The following INSYN2B variants were observed in gnomAD, a reference collection of about 807,000 sequenced individuals.
The protein encoded by INSYN2B is inhibitory synaptic factor family member 2B.
In INSYN2B, 16 loss-of-function variants were observed where a neutral mutation model predicts 41.2. The ratio of observed to expected loss-of-function variants is 0.39; its 90% confidence interval spans 0.26 to 0.59. The LOEUF (loss-of-function observed/expected upper bound fraction) is 0.59, where lower values mean the gene tolerates loss of function less well. Among genes scored for constraint, INSYN2B ranks in the 20% least tolerant of loss-of-function variants. The probability of loss-of-function intolerance (pLI) is 0.57; values close to 1 mark genes in which losing one functional copy is unlikely to be tolerated. For synonymous variants in INSYN2B, 245 were observed against 244.4 expected, an observed-to-expected ratio of 1.00 and a Z score of -0.02; for missense variants, 608 against 646.4, an observed-to-expected ratio of 0.94 and a Z score of 0.64.
chr5:169,916,323 T>C (rs1034244610), intron 1 of INSYN2B, among the ~76,000 whole-genome samples: 1 of 152,258 alleles, frequency 6.6e-6, no homozygotes, highest in African/African-American at 2.4e-5. Context: ...TGCATGGATC[T>C]AAGGAACCAG....
chr5:169,934,924 G>A, intron 1 of INSYN2B: 1 of 332,896 alleles, frequency 3.0e-6, no homozygotes, highest in Non-Finnish European at 5.9e-6. Context: ...AATGACCTGA[G>A]AAAGTAGTAT....
intron 1 of INSYN2B, among the ~76,000 whole-genome samples, chr5:169,957,330 T>C (rs1229141816): frequency 1.9e-4 from 29 of 152,248 alleles, no homozygotes; most frequent in Admixed American, 1.9e-3. Flanking sequence ...GTTCCTACTT[T>C]GTAGGATTGT....
intron 1 of INSYN2B, among the ~76,000 whole-genome samples, chr5:169,915,725 C>T (rs1219124129): frequency 6.6e-6 from 1 of 152,124 alleles, no homozygotes; most frequent in Non-Finnish European, 1.5e-5. Flanking sequence ...ATAGTCAATT[C>T]AGCCATTTTA....
chr5:169,971,198 A>T (rs1777493066), intron 1 of INSYN2B, among the ~76,000 whole-genome samples: 1 of 152,010 alleles, frequency 6.6e-6, no homozygotes. Flanking sequence ...CAAAAAAAAA[A>T]ATGAGTATGA....
chr5:169,865,251 G>C (rs750284960), intron 3 of INSYN2B, among the ~76,000 whole-genome samples: 5 of 152,164 alleles, frequency 3.3e-5, no homozygotes, highest in African/African-American at 9.7e-5. Flanking sequence ...GCATTGTCCC[G>C]TGCTGATTAT....
chr5:169,943,319 G>A (rs1482686980), intron 1 of INSYN2B, among the ~76,000 whole-genome samples: 7 of 152,142 alleles, frequency 4.6e-5, no homozygotes, highest in Non-Finnish European at 1.0e-4. Context: ...GCTGTCTAAA[G>A]GTTGATCCCA....
Position 169,883,192 on chromosome 5 carries a change from A to G in INSYN2B, c.707T>C (p.Leu236Ser), listed in dbSNP as rs1772766994. 6.4e-7 allele frequency: 1 copy of G among 1,551,454 alleles called. No homozygotes were observed. Among genetic ancestry groups the G allele is most frequent in the Non-Finnish European group, 8.7e-7 (1 of 1,146,936 alleles). The change falls in exon 2 of 4, where the codon TTG (leucine) becomes TCG (serine). Residue 236 changes from leucine to serine, a missense_variant. By Grantham distance (145) the Leu-to-Ser change is moderately radical. Coordinates refer to ENST00000377365, the MANE Select transcript of INSYN2B (RefSeq NM_001129891.3). ...SAEVSNSIHP[L>S]DDTRPGDGRR... Reference sequence around the variant, plus strand: ...CCCATCACCTGGACGTGTGTCATCCAAAGGGTGTATGGAGTTACTTACTTC... The same window carrying G: ...CCCATCACCTGGACGTGTGTCATCCGAAGGGTGTATGGAGTTACTTACTTC...
intron 1 of INSYN2B, among the ~76,000 whole-genome samples, chr5:169,961,978 C>CAAAACAAAAAAAAAAAAAAAA (rs1777104977): frequency 1.3e-5 from 1 of 74,652 alleles, no homozygotes. Flanking sequence ...GACTCTGTCC[C>CAAAACAAAAAAAAAAAAAAAA]AAAAAAAAAA....
At chr5:169,966,237 T>C (rs1325434643) in intron 1 of INSYN2B, among the ~76,000 whole-genome samples, 4 of 152,312 alleles carry the variant, frequency 2.6e-5, no homozygotes, top group South Asian at 2.1e-4. Context: ...CATTGGTTGG[T>C]TGCTTCATAA....
At position 169,883,110 on chromosome 5, in the gene INSYN2B, G is replaced by T. The variant is rs370562223; in HGVS notation, c.789C>A (p.Ser263Arg). Reference protein sequence around the residue: ...EKSTSCLNATSVASHTPGTEE... With the variant: ...EKSTSCLNATRVASHTPGTEE... ...CTGTGCCTGGTGTGTGGCTGGCAAC[G>T]CTGGTGGCATTTAAGCAGGAGGTGG... Residue 263 changes from serine (S) to arginine (R), a missense_variant, in exon 2 of 4, where the codon AGC becomes AGA. Transcript: ENST00000377365. 106 of 1,551,666 alleles carry T rather than the reference G, an allele frequency of 6.8e-5. 2 individuals carry two copies. In the South Asian group the frequency reaches 8.3e-4, roughly 12 times the overall value.
chr5:169,867,834 C>A, intron 3 of INSYN2B, among the ~76,000 whole-genome samples: 1 of 152,124 alleles, frequency 6.6e-6, no homozygotes, highest in East Asian at 1.9e-4. Flanking sequence ...CTTCATTCTC[C>A]CCAGTGGAAA....
chr5:169,961,978 CA>C (rs70979150), intron 1 of INSYN2B, among the ~76,000 whole-genome samples: 2,500 of 74,626 alleles, frequency 0.034, 172 homozygotes, highest in Middle Eastern at 0.087. Context: ...GACTCTGTCC[CA>C]AAAAAAAAAA....
rs1439669528 is a variant in INSYN2B, at chr5:169,882,931, G to T, written c.968C>A (p.Pro323Gln). The change falls in exon 2 of 4, where the codon CCA becomes CAA. Residue 323 changes from proline (P) to glutamine (Q), a missense_variant. Physicochemically the swap from Pro to Gln is moderately conservative, Grantham distance 76. Transcript: ENST00000377365. ...TGAAGGACAGTCTGAGGCTCTTCCT[G>T]GGTGGGCTGGCTGGCTGTGGGAGCC... ...SQGSHSQPAH[P>Q]GRASDCPSSS... 1 of 1,551,990 alleles carries T rather than the reference G, an allele frequency of 6.4e-7. No homozygotes were observed. Among genetic ancestry groups the T allele is most frequent in the Admixed American group, 2.0e-5 (1 of 50,992 alleles).
chr5:169,973,760 T>C (rs957579439), intron 1 of INSYN2B, among the ~76,000 whole-genome samples: 6 of 152,198 alleles, frequency 3.9e-5, no homozygotes, highest in South Asian at 4.1e-4. Flanking sequence ...CCATAGAGAA[T>C]AGTCATTAAG....
intron 2 of INSYN2B, among the ~76,000 whole-genome samples, chr5:169,881,671 C>T (rs1389271528): frequency 6.6e-6 from 1 of 152,114 alleles, no homozygotes; most frequent in African/African-American, 2.4e-5. Flanking sequence ...TTCATGCTGA[C>T]AACAATCCTG....
At chr5:169,870,607 TTTA>T (rs529995001) in intron 3 of INSYN2B, among the ~76,000 whole-genome samples, 137 of 152,178 alleles carry the variant, frequency 9.0e-4, no homozygotes, top group Admixed American at 2.2e-3. Context: ...TTTTTAAAAT[TTTA>T]TTATTATTAT....
intron 1 of INSYN2B, among the ~76,000 whole-genome samples, chr5:169,922,969 C>T (rs1213934214): frequency 1.3e-5 from 2 of 152,160 alleles, no homozygotes; most frequent in Non-Finnish European, 2.9e-5. Flanking sequence ...TTGTAAATAT[C>T]GAATTGTGAA....
intron 1 of INSYN2B, among the ~76,000 whole-genome samples, chr5:169,899,305 C>T (rs572674031): frequency 6.6e-6 from 1 of 152,300 alleles, no homozygotes; most frequent in African/African-American, 2.4e-5. Flanking sequence ...CTCAGAGTGC[C>T]TGACTTCCTG....
chr5:169,969,743 T>A (rs989915898), intron 1 of INSYN2B, among the ~76,000 whole-genome samples: 1 of 151,742 alleles, frequency 6.6e-6, no homozygotes, highest in African/African-American at 2.4e-5. Flanking sequence ...GACTGAGGGG[T>A]TTCCCAGGAA....
Sources: allele counts gnomAD v4.1 joint callset (sites outside exome capture counted in the v4.1 genomes callset), GRCh38; gene constraint gnomAD v4.1.1; transcripts MANE v1.5; gene names NCBI Gene and HGNC (gene_info 2026-07-23, HGNC 2026-07-21).